The following EFNB2 variants were observed in gnomAD, a reference collection of about 807,000 sequenced individuals.
The protein encoded by EFNB2 is ephrin B2.
Under a neutral mutation model 32.1 loss-of-function variants are expected in EFNB2, and 5 were observed. The observed-to-expected ratio is 0.16, with a 90% CI of 0.08 to 0.33. EFNB2 has a LOEUF of 0.33. EFNB2 is among the 10% of genes least tolerant of loss of function. EFNB2 has a pLI of 1.00. For synonymous variants in EFNB2, 168 were observed against 166.5 expected, an observed-to-expected ratio of 1.01 and a Z score of -0.07; for missense variants, 263 against 422.6, an observed-to-expected ratio of 0.62 and a Z score of 3.31.
intron 3 of EFNB2, 83 bp from the exon 4 acceptor site, chr13:106,495,077 C>T: frequency 9.7e-7 from 1 of 1,030,268 alleles, no homozygotes; most frequent in Middle Eastern, 2.1e-4. Flanking sequence ...TTTCAACAGG[C>T]ATGAATAGCA....
At chr13:106,521,987 T>C (rs1386990326) in intron 1 of EFNB2, among the ~76,000 whole-genome samples, 1 of 151,682 alleles carries the variant, frequency 6.6e-6, no homozygotes, top group African/African-American at 2.4e-5. Flanking sequence ...ATCTCTGTCA[T>C]GAAATTAAAG....
At chr13:106,508,933 A>G (rs1488991126) in intron 2 of EFNB2, among the ~76,000 whole-genome samples, 1 of 152,210 alleles carries the variant, frequency 6.6e-6, no homozygotes, top group East Asian at 1.9e-4. Flanking sequence ...ACTATATTTT[A>G]AAGCAGGTAA....
chr13:106,527,396 A>G (rs1477901785), intron 1 of EFNB2, among the ~76,000 whole-genome samples: 1 of 152,214 alleles, frequency 6.6e-6, no homozygotes, highest in African/African-American at 2.4e-5. Context: ...TTGAACGCTT[A>G]CTTACTCGTG....
At position 106,492,797 on chromosome 13, in the gene EFNB2, A is replaced by G. The variant is rs1594158522; in HGVS notation, c.*243T>C. On this transcript the variant is annotated 3_prime_UTR_variant, in exon 5 of 5. Transcript: ENST00000646441. This position sits in a 1 kb window ranked among gnomAD's most constrained non-coding sequence, Gnocchi z 5.1. ...GAGGAGACGTGGGACGCGGCACAGC[A>G]GTCCGAATGGGCGTCTTCTGCACAG... The G allele has an allele frequency of 4.2e-6, 2 of 474,006 alleles. No homozygotes were observed. The highest frequency in any genetic ancestry group is 6.5e-5 in the East Asian group (2 of 30,928). 29.4% of individuals were successfully genotyped at this position (474,006 alleles called of 1,614,324 possible). A position where few individuals can be genotyped will look rare whatever the true frequency, so the allele number is the denominator to read the frequency against.
intron 2 of EFNB2, among the ~76,000 whole-genome samples, chr13:106,504,681 C>T (rs1339167566): frequency 6.6e-6 from 1 of 152,206 alleles, no homozygotes; most frequent in Non-Finnish European, 1.5e-5. Flanking sequence ...CAAAGCACAA[C>T]TGTCACCCAG....
intron 1 of EFNB2, among the ~76,000 whole-genome samples, chr13:106,527,376 A>G (rs1440569735): frequency 6.6e-6 from 1 of 152,198 alleles, no homozygotes; most frequent in Non-Finnish European, 1.5e-5. Context: ...TATGCCCACC[A>G]CAGAGTAGTT....
intron 1 of EFNB2, among the ~76,000 whole-genome samples, chr13:106,513,859 C>T (rs1364651180): frequency 1.3e-5 from 2 of 152,144 alleles, no homozygotes; most frequent in Admixed American, 6.5e-5. Context: ...TTTCTTTAAC[C>T]AGAGACGCCC....
At chr13:106,502,291 C>A (rs1466881989) in intron 2 of EFNB2, among the ~76,000 whole-genome samples, 3 of 152,164 alleles carry the variant, frequency 2.0e-5, no homozygotes, top group African/African-American at 7.2e-5. Context: ...TTAGAACTCC[C>A]CTCCTCTTTG....
intron 2 of EFNB2, among the ~76,000 whole-genome samples, chr13:106,504,266 C>T (rs1311215769): frequency 1.3e-5 from 2 of 152,208 alleles, no homozygotes; most frequent in South Asian, 2.1e-4. Context: ...AATTGCGAGA[C>T]GAGTGGCACT....
At chr13:106,523,986 C>T (rs940952611) in intron 1 of EFNB2, among the ~76,000 whole-genome samples, 14 of 152,282 alleles carry the variant, frequency 9.2e-5, no homozygotes, top group African/African-American at 3.4e-4. Flanking sequence ...TCAAATGTTA[C>T]AATTTTTAAA....
chr13:106,530,596 CGTT>C (rs1168317531), intron 1 of EFNB2, among the ~76,000 whole-genome samples: 1 of 152,098 alleles, frequency 6.6e-6, no homozygotes, highest in East Asian at 1.9e-4. Context: ...TCTCATAAAA[CGTT>C]AAAGAAATAT....
In EFNB2 at chr13:106,492,912, A is replaced by C; in HGVS notation, c.*128T>G. The C allele has an allele frequency of 7.9e-7, 1 of 1,269,420 alleles. No homozygotes were observed. Among genetic ancestry groups the C allele is most frequent in the Non-Finnish European group, 1.1e-6 (1 of 927,838 alleles). 78.6% of individuals were successfully genotyped at this position (1,269,420 alleles called of 1,614,324 possible). A position where few individuals can be genotyped will look rare whatever the true frequency, so the allele number is the denominator to read the frequency against. ...TCCAGCGCGACGGGCTCTTCCGAGGAGGAGTGTCCCTCTCCCCCGGTGCTG... is the reference window on the plus strand; with the variant it reads ...TCCAGCGCGACGGGCTCTTCCGAGGCGGAGTGTCCCTCTCCCCCGGTGCTG... On this transcript the variant is annotated 3_prime_UTR_variant, in exon 5 of 5. Transcript: ENST00000646441. The surrounding 1 kb of genome is among the most constrained non-coding windows in gnomAD (Gnocchi z 5.1).
rs2138928734 is a variant in EFNB2, at chr13:106,518,328, TC to T, written c.123-5517del. The stretch of plus-strand genomic sequence containing the variant: ...TCCAGCCTGGGTGACAGAGCAAGAC[TC>T]CGTCTCCAAAAAATAAAAAAATTAG... On this transcript the variant is annotated intron_variant, in intron 1 of 4. Coordinates refer to ENST00000646441, the MANE Select transcript of EFNB2 (RefSeq NM_004093.4). The surrounding 1 kb of genome is among the most constrained non-coding windows in gnomAD (Gnocchi z 4.1). The T allele has an allele frequency of 6.6e-6, 1 of 152,318 alleles. No individual in the cohort carries two copies. The highest frequency in any genetic ancestry group is 1.5e-5 in the Non-Finnish European group (1 of 68,046). The allele number at this position is 152,318 out of a possible 1,614,324, so 9.4% of individuals were successfully genotyped here.
At chr13:106,523,443 C>T (rs1189124896) in intron 1 of EFNB2, among the ~76,000 whole-genome samples, 1 of 152,178 alleles carries the variant, frequency 6.6e-6, no homozygotes, top group Non-Finnish European at 1.5e-5. Flanking sequence ...TTCAAACAAG[C>T]AGCTACTGAG....
intron 1 of EFNB2, among the ~76,000 whole-genome samples, chr13:106,524,187 A>G (rs1879626093): frequency 6.6e-6 from 1 of 152,248 alleles, no homozygotes; most frequent in Non-Finnish European, 1.5e-5. Flanking sequence ...CTACACGACC[A>G]TCATAAGAAA....
At chr13:106,534,235 G>C (rs1353677200) in intron 1 of EFNB2, among the ~76,000 whole-genome samples, 1 of 152,168 alleles carries the variant, frequency 6.6e-6, no homozygotes, top group Non-Finnish European at 1.5e-5. Context: ...GCGGAGGAAA[G>C]GGCTCGACGC....
At chr13:106,497,304 G>A (rs1045225628) in intron 2 of EFNB2, among the ~76,000 whole-genome samples, 14 of 151,846 alleles carry the variant, frequency 9.2e-5, no homozygotes, top group African/African-American at 3.1e-4. Flanking sequence ...TCTCACAATT[G>A]CATCTCATTC....
rs1880037518 is a variant in EFNB2 at position 106,535,259 on chromosome 13, G to A, written c.-295C>T. 6.7e-6 allele frequency: 1 copy of A among 149,438 alleles called. No homozygotes were observed. The highest frequency in any genetic ancestry group is 6.7e-5 in the Admixed American group (1 of 14,918). The allele number at this position is 149,438 out of a possible 1,614,324, so 9.3% of individuals were successfully genotyped here. A position where few individuals can be genotyped will look rare whatever the true frequency, so the allele number is the denominator to read the frequency against. ...CGGCCGACTCCCGTGCGGCTCCAGG[G>A]TGCCGGGCCGGCCGCGGCTGGCGGG... On this transcript the variant is annotated 5_prime_UTR_variant, in exon 1 of 5. Transcript: ENST00000646441.
intron 2 of EFNB2, among the ~76,000 whole-genome samples, chr13:106,511,761 T>G (rs1486999567): frequency 6.6e-6 from 1 of 152,156 alleles, no homozygotes; most frequent in Non-Finnish European, 1.5e-5. Flanking sequence ...ACCTAGACTT[T>G]AACACCACCT....
Sources: gnomAD v4.1 joint callset for allele counts (sites outside exome capture counted in the v4.1 genomes callset) on GRCh38, gnomAD v4.1.1 for gene constraint, Gnocchi (gnomAD v3.1) non-coding constraint, MANE v1.5 for transcripts, NCBI Gene and HGNC (gene_info 2026-07-23, HGNC 2026-07-21) for gene names.